GAD2: variants seen among roughly 807,000 people sequenced by gnomAD.
The protein encoded by GAD2 is 65 kDa glutamic acid decarboxylase.
GAD2 carries 22 observed loss-of-function variants against 80.1 expected under a neutral mutation model. The ratio of observed to expected loss-of-function variants is 0.27; its 90% CI spans 0.20 to 0.39. GAD2 has a LOEUF of 0.39. Ranked by LOEUF, GAD2 falls within the 10% of genes least tolerant of loss-of-function variation. The pLI, the probability that GAD2 is intolerant of heterozygous loss-of-function variation, is 1.00. For synonymous variants in GAD2, 274 were observed against 256.9 expected, an observed-to-expected ratio of 1.07 and a Z score of -0.64; for missense variants, 624 against 738.4, an observed-to-expected ratio of 0.85 and a Z score of 1.80.
intron 15 of GAD2, among the ~76,000 whole-genome samples, 181 bp downstream of exon 15, chr10:26,293,172 CTTTTTTT>C (rs987030977): frequency 3.6e-4 from 35 of 96,452 alleles, no homozygotes; most frequent in Non-Finnish European, 4.7e-4. Flanking sequence ...CATTTTTCTT[CTTTTTTT>C]TTTTTTTTTT....
chr10:26,270,828 T>G lies in GAD2; in HGVS notation c.1092+72T>G, dbSNP rs2132305155. The G allele has an allele frequency of 2.0e-5, 20 of 1,007,112 alleles. No homozygotes were observed. The South Asian group carries it at 2.4e-4, about 12-fold the overall frequency. 62.4% of individuals were successfully genotyped at this position (1,007,112 alleles called of 1,614,324 possible). A position where few individuals can be genotyped will look rare whatever the true frequency, so the allele number is the denominator to read the frequency against. Reference sequence around the variant, plus strand: ...TTCATGTGGGACACACAAAGGAAATTTGTTTTCTCTTTTTTTAACTTGGTC... The same window carrying G: ...TTCATGTGGGACACACAAAGGAAATGTGTTTTCTCTTTTTTTAACTTGGTC... On this transcript the variant is annotated intron_variant, in intron 10 of 15. Coordinates refer to ENST00000376261, the MANE Select transcript of GAD2 (RefSeq NM_001134366.2).
At chr10:26,294,115 G>A (rs1311110388) in intron 15 of GAD2, among the ~76,000 whole-genome samples, 3 of 152,178 alleles carry the variant, frequency 2.0e-5, no homozygotes, top group Non-Finnish European at 4.4e-5. Flanking sequence ...ACTAGGGATG[G>A]TCATGTAGAC....
intron 10 of GAD2, among the ~76,000 whole-genome samples, chr10:26,271,061 G>A (rs943101745): frequency 2.0e-5 from 3 of 152,172 alleles, no homozygotes; most frequent in African/African-American, 7.2e-5. Flanking sequence ...CATCCATGGA[G>A]GAATACAACC....
intron 12 of GAD2, among the ~76,000 whole-genome samples, chr10:26,285,632 G>A (rs1325456324): frequency 6.6e-6 from 1 of 152,190 alleles, no homozygotes; most frequent in East Asian, 1.9e-4. Context: ...GGCCATTGAC[G>A]ATGAAACTTT....
rs754102539 is a variant in GAD2, at chr10:26,269,138, G to C, written c.940G>C (p.Asp314His). 1 of 1,596,998 alleles carries C rather than the reference G, an allele frequency of 6.3e-7. No homozygotes were observed. The highest frequency in any genetic ancestry group is 1.7e-5 in the Admixed American group (1 of 58,304). The change falls in exon 9 of 16, where the codon GAT (aspartate) becomes CAT (histidine). Residue 314 changes from aspartate to histidine, a missense_variant. Transcript: ENST00000376261. ...CDERGKMIPSDLERRILEAKQ... is the reference protein window; with the variant it reads ...CDERGKMIPSHLERRILEAKQ... ...TTCCAGAGGGAAAATGATTCCATCT[G>C]ATCTTGAAAGAAGGATTCTTGAAGC...
chr10:26,240,577 T>C (rs181958636), intron 7 of GAD2, among the ~76,000 whole-genome samples: 28 of 151,458 alleles, frequency 1.8e-4, no homozygotes, highest in African/African-American at 6.8e-4. Context: ...ATTAAAAATA[T>C]GAAAATTAGC....
At chr10:26,228,308 C>A (rs896844685) in intron 6 of GAD2, among the ~76,000 whole-genome samples, 1 of 152,212 alleles carries the variant, frequency 6.6e-6, no homozygotes, top group Non-Finnish European at 1.5e-5. Flanking sequence ...AATCTTATGG[C>A]GTGGAATCCC....
chr10:26,275,180 C>T (rs918055597), intron 11 of GAD2, among the ~76,000 whole-genome samples: 6 of 152,244 alleles, frequency 3.9e-5, no homozygotes, highest in African/African-American at 7.2e-5. Flanking sequence ...GGTGCCTGCT[C>T]ACATGATCAG....
intron 15 of GAD2, among the ~76,000 whole-genome samples, chr10:26,298,660 A>G (rs1303754635): frequency 1.2e-4 from 18 of 152,192 alleles, no homozygotes. Context: ...AAGCTCTGTC[A>G]TTATTTTATC....
At position 26,217,009 on chromosome 10, in the gene GAD2, C is replaced by T. The variant is rs1844380841; in HGVS notation, c.76+124C>T. 6 of 805,684 alleles carry T rather than the reference C, an allele frequency of 7.4e-6. No homozygotes were observed. In the East Asian group the frequency reaches 8.3e-5, roughly 11 times the overall value. The allele number at this position is 805,684 out of a possible 1,614,324, so 49.9% of individuals were successfully genotyped here. A position where few individuals can be genotyped will look rare whatever the true frequency, so the allele number is the denominator to read the frequency against. On this transcript the variant is annotated intron_variant, in intron 1 of 15. Coordinates refer to ENST00000376261, the MANE Select transcript of GAD2 (RefSeq NM_001134366.2). This position sits in a 1 kb window ranked among gnomAD's most constrained non-coding sequence, Gnocchi z 4.9. ...AGGAAACTTCTTCGGGCGCTTCTCC[C>T]TGCTTTTGGGCTAAGTCCTTGACGG...
chr10:26,260,643 A>G (rs573696506), intron 8 of GAD2, among the ~76,000 whole-genome samples: 1 of 152,206 alleles, frequency 6.6e-6, no homozygotes, highest in East Asian at 1.9e-4. Flanking sequence ...AACAAAAAAA[A>G]CTTTCCAGAC....
Position 26,223,983 on chromosome 10 carries a change from T to G in GAD2, c.611+6T>G. On this transcript the variant is annotated splice_donor_region_variant and intron_variant, in intron 5 of 15. Transcript: ENST00000376261. ...TCAACAGCAAATACTAACATGTAAGTAGCCAAATGTGTTTTTATGTAATTT... is the reference window on the plus strand; with the variant it reads ...TCAACAGCAAATACTAACATGTAAGGAGCCAAATGTGTTTTTATGTAATTT... 1 of 1,584,952 alleles carries G rather than the reference T, an allele frequency of 6.3e-7. No individual in the cohort carries two copies.
At chr10:26,247,136 G>A (rs1486813978) in intron 8 of GAD2, among the ~76,000 whole-genome samples, 2 of 152,206 alleles carry the variant, frequency 1.3e-5, no homozygotes, top group Non-Finnish European at 2.9e-5. Flanking sequence ...GAGGCTGCTG[G>A]TTGCCCATTT....
chr10:26,228,745 T>G lies in GAD2; in HGVS notation c.725-917T>G, dbSNP rs8190626. Among the ~76,000 whole-genome samples, 97 of 152,270 alleles carry G rather than the reference T, an allele frequency of 6.4e-4. 1 individual carries two copies. In the East Asian group the frequency reaches 0.016, roughly 24 times the overall value. On this transcript the variant is annotated intron_variant, in intron 6 of 15. Transcript: ENST00000376261. Reference sequence around the variant, plus strand: ...TGCATGCTCCTTACGAGAATCCAATTAATGCCTAATGATGTGAGGTGGAAC... The same window carrying G: ...TGCATGCTCCTTACGAGAATCCAATGAATGCCTAATGATGTGAGGTGGAAC...
At chr10:26,232,920 G>A (rs755933488) in intron 7 of GAD2, among the ~76,000 whole-genome samples, 2 of 152,058 alleles carry the variant, frequency 1.3e-5, no homozygotes, top group Non-Finnish European at 2.9e-5. Flanking sequence ...TTTGAATTAC[G>A]AAGCTCTCCT....
At chr10:26,245,741 T>G (rs991415766) in intron 7 of GAD2, among the ~76,000 whole-genome samples, 180 bp from the exon 8 acceptor site, 7 of 152,084 alleles carry the variant, frequency 4.6e-5, no homozygotes, top group African/African-American at 1.7e-4. Flanking sequence ...CACGCCCAGC[T>G]GTTTCACCAC....
intron 13 of GAD2, among the ~76,000 whole-genome samples, chr10:26,290,298 T>G (rs1304947503): frequency 2.0e-5 from 3 of 152,170 alleles, no homozygotes; most frequent in Non-Finnish European, 4.4e-5. Context: ...AGATTAGGAC[T>G]GATCACAAAA....
At chr10:26,254,843 C>G (rs1464585297) in intron 8 of GAD2, among the ~76,000 whole-genome samples, 1 of 152,172 alleles carries the variant, frequency 6.6e-6, no homozygotes, top group African/African-American at 2.4e-5. Context: ...CTGGAATGAA[C>G]AGGAAGTGTT....
At position 26,302,584 on chromosome 10, in the gene GAD2, G is replaced by A. The variant is rs1834338745; in HGVS notation, c.*1623G>A. 6.6e-6 allele frequency: 1 copy of A among 152,186 alleles called. No individual in the cohort carries two copies. 9.4% of individuals were successfully genotyped at this position (152,186 alleles called of 1,614,324 possible). A position where few individuals can be genotyped will look rare whatever the true frequency, so the allele number is the denominator to read the frequency against. On this transcript the variant is annotated 3_prime_UTR_variant, in exon 16 of 16. Transcript: ENST00000376261. ...TCTCCATTTCTGAATGGACCAGGTA[G>A]TTCAGTACTCAGACTGCAGGTATAC... is the stretch of plus-strand genomic sequence containing the variant.
Sources: allele counts gnomAD v4.1 joint callset (sites outside exome capture counted in the v4.1 genomes callset), GRCh38; gene constraint gnomAD v4.1.1; non-coding constraint Gnocchi (gnomAD v3.1); transcripts MANE v1.5; gene names NCBI Gene and HGNC (gene_info 2026-07-23, HGNC 2026-07-21).